The following IL1RAP variants were observed in gnomAD, a reference collection of about 807,000 sequenced individuals.
The protein encoded by IL1RAP is interleukin-1 receptor accessory protein.
IL1RAP carries 35 observed loss-of-function variants against 60.7 expected under a neutral mutation model. The observed-to-expected ratio is 0.58, with a 90% CI of 0.44 to 0.76. The LOEUF (loss-of-function observed/expected upper bound fraction) is 0.76. Among genes scored for constraint, IL1RAP ranks in the 30% least tolerant of loss-of-function variants. IL1RAP has a pLI of 0.00. For missense variants in IL1RAP, 572 were observed against 693.9 expected (o/e 0.82, Z 1.97); for synonymous variants, 268 against 250.9 (o/e 1.07, Z -0.64).
At chr3:190,656,418 CA>C, downstream of IL1RAP, 1 of 1,537,222 alleles carries the variant, frequency 6.5e-7, no homozygotes, top group Non-Finnish European at 8.7e-7. Flanking sequence ...ACCTTAGGAA[CA>C]AGAGCCGGGC....
intron 9 of IL1RAP, 193 bp from the exon 10 acceptor site, chr3:190,644,055 G>A (rs529339811): frequency 2.4e-5 from 21 of 880,464 alleles, no homozygotes; most frequent in Admixed American, 6.2e-5. Context: ...GCCAGGTGCT[G>A]GAAACAAAAA....
At chr3:190,599,699 G>A (rs1729690021) in intron 3 of IL1RAP, among the ~76,000 whole-genome samples, 1 of 142,732 alleles carries the variant, frequency 7.0e-6, no homozygotes, top group Admixed American at 7.1e-5. Context: ...TTGGTATTTT[G>A]GGTTTTTTTT....
At chr3:190,611,906 C>T (rs571553966) in intron 5 of IL1RAP, among the ~76,000 whole-genome samples, 71 of 152,142 alleles carry the variant, frequency 4.7e-4, no homozygotes, top group African/African-American at 1.7e-3. Flanking sequence ...TGCAATGAAT[C>T]AACTTTAGTT....
At chr3:190,615,724 G>GTTAAATTAATCAGAAT (rs1560215693) in intron 5 of IL1RAP, among the ~76,000 whole-genome samples, 1 of 151,914 alleles carries the variant, frequency 6.6e-6, no homozygotes, top group East Asian at 1.9e-4. Flanking sequence ...CATTTTTATT[G>GTTAAATTAATCAGAAT]TGGTCAAGCA....
intron 5 of IL1RAP, among the ~76,000 whole-genome samples, chr3:190,616,863 G>A (rs528294194): frequency 1.1e-3 from 171 of 152,254 alleles, no homozygotes; most frequent in Non-Finnish European, 2.0e-3. Flanking sequence ...TATTGAGCAA[G>A]TTTCCGACCA....
intron 3 of IL1RAP, among the ~76,000 whole-genome samples, chr3:190,579,722 G>A (rs182100990): frequency 5.9e-5 from 9 of 152,186 alleles, no homozygotes; most frequent in African/African-American, 2.2e-4. Flanking sequence ...AGGATTAGCA[G>A]CCAATCCACA....
Position 190,644,253 on chromosome 3 carries a change from G to C in IL1RAP, c.1057G>C (p.Ala353Pro). The change falls in exon 10 of 12, where the codon GCT becomes CCT. Residue 353 changes from alanine (A) to proline (P), a missense_variant. Coordinates refer to ENST00000447382, the MANE Select transcript of IL1RAP (RefSeq NM_002182.4). ...KAAKVKQKVPAPRYTVELACG... is the reference protein window; with the variant it reads ...KAAKVKQKVPPPRYTVELACG... ...TTCTTTGTTGTTCATTCCAGTGCCA[G>C]CTCCAAGATACACAGTGGAACTGGC... The C allele has an allele frequency of 6.2e-7, 1 of 1,612,312 alleles. No individual in the cohort carries two copies. Among genetic ancestry groups the C allele is most frequent in the East Asian group, 2.2e-5 (1 of 44,824 alleles).
intron 5 of IL1RAP, among the ~76,000 whole-genome samples, chr3:190,618,345 A>T (rs1252807675): frequency 6.6e-6 from 1 of 152,228 alleles, no homozygotes; most frequent in African/African-American, 2.4e-5. Context: ...GACGAGACAG[A>T]GTATATGTTA....
intron 3 of IL1RAP, among the ~76,000 whole-genome samples, chr3:190,581,491 C>G (rs972025856): frequency 6.6e-6 from 1 of 152,114 alleles, no homozygotes; most frequent in Admixed American, 6.5e-5. Flanking sequence ...GGGTGCTTGC[C>G]GACAAGAATC....
intron 3 of IL1RAP, among the ~76,000 whole-genome samples, chr3:190,589,870 G>A (rs1728795746): frequency 6.6e-6 from 1 of 152,134 alleles, no homozygotes; most frequent in African/African-American, 2.4e-5. Context: ...GTTCACTGAC[G>A]TATCCTTGGT....
intron 5 of IL1RAP, 132 bp downstream of exon 5, chr3:190,609,313 G>GC: frequency 1.7e-6 from 1 of 589,368 alleles, no homozygotes; most frequent in Non-Finnish European, 2.8e-6. Flanking sequence ...TAGCTTTATG[G>GC]AAGTATTTCA....
intron 1 of IL1RAP, among the ~76,000 whole-genome samples, chr3:190,524,537 C>A (rs1183054541): frequency 6.6e-6 from 1 of 152,110 alleles, no homozygotes; most frequent in African/African-American, 2.4e-5. Flanking sequence ...CAATTTCAAT[C>A]TTCTTCATAT....
chr3:190,579,320 T>C (rs1436493353), intron 3 of IL1RAP, among the ~76,000 whole-genome samples: 2 of 152,230 alleles, frequency 1.3e-5, no homozygotes, highest in South Asian at 2.1e-4. Flanking sequence ...TTATATTCAC[T>C]AACCATTACA....
rs1471746964 is a variant in IL1RAP, at chr3:190,583,822, G to T, written c.64+19469G>T. 2.0e-5 allele frequency among the ~76,000 whole-genome samples: 3 copies of T among 152,280 alleles called. No individual in the cohort carries two copies. In the Middle Eastern group the frequency reaches 0.01, roughly 518 times the overall value. On this transcript the variant is annotated intron_variant, in intron 3 of 11. Transcript: ENST00000447382. ...TATGATTAAATAATTGCCTCTGCCC[G>T]GTTGTTACAAGTAAAGCCAAGTCTC...
intron 1 of IL1RAP, among the ~76,000 whole-genome samples, chr3:190,521,925 T>C (rs941001325): frequency 1.4e-5 from 2 of 147,244 alleles, no homozygotes; most frequent in African/African-American, 2.6e-5. Context: ...AGAAAATATT[T>C]TGCTTTAGTT....
intron 3 of IL1RAP, among the ~76,000 whole-genome samples, chr3:190,595,829 T>C (rs1245028848): frequency 1.3e-5 from 2 of 152,232 alleles, no homozygotes; most frequent in African/African-American, 2.4e-5. Context: ...ATTATTATGC[T>C]TCTGTTTAGA....
chr3:190,619,370 C>T (rs1731560528), intron 5 of IL1RAP, among the ~76,000 whole-genome samples: 1 of 152,104 alleles, frequency 6.6e-6, no homozygotes, highest in South Asian at 2.1e-4. Flanking sequence ...GAAATACATT[C>T]CTAGATCTTG....
intron 9 of IL1RAP, among the ~76,000 whole-genome samples, chr3:190,632,884 C>A (rs1021999275): frequency 1.3e-5 from 2 of 152,026 alleles, no homozygotes; most frequent in African/African-American, 4.8e-5. Context: ...AGAAAAGAGC[C>A]CAAAAAATTA....
chr3:190,651,224 G>A lies in IL1RAP; in HGVS notation c.*2519G>A, dbSNP rs891668633. 36 of 980,722 alleles carry A rather than the reference G, an allele frequency of 3.7e-5. No homozygotes were observed. Among genetic ancestry groups the A allele is most frequent in the South Asian group, 4.7e-5 (1 of 21,198 alleles). The allele number at this position is 980,722 out of a possible 1,614,324, so 60.8% of individuals were successfully genotyped here. ...TGCTATAGGGACGTTCCATGCCCAG[G>A]TTAACAAAGAACTGTGATATATAGA... On this transcript the variant is annotated 3_prime_UTR_variant, in exon 12 of 12. Coordinates refer to ENST00000447382, the MANE Select transcript of IL1RAP (RefSeq NM_002182.4).
Sources: gnomAD v4.1 joint callset for allele counts (sites outside exome capture counted in the v4.1 genomes callset) on GRCh38, gnomAD v4.1.1 for gene constraint, MANE v1.5 for transcripts, NCBI Gene and HGNC (gene_info 2026-07-23, HGNC 2026-07-21) for gene names.